Variants in ARPC3 observed in about 807,000 individuals in gnomAD.
The protein encoded by ARPC3 is actin-related protein 2/3 complex subunit 3.
ARPC3 carries 12 observed loss-of-function variants against 27.6 expected under a neutral mutation model. That is an observed-to-expected ratio of 0.43 (90% CI 0.28 to 0.70). The LOEUF (loss-of-function observed/expected upper bound fraction) is 0.70, where lower values mean the gene tolerates loss of function less well. Among genes scored for constraint, ARPC3 ranks in the 30% least tolerant of loss-of-function variants. The pLI, the probability that ARPC3 is intolerant of heterozygous loss-of-function variation, is 0.17. For synonymous variants in ARPC3, 53 were observed against 67.2 expected, an observed-to-expected ratio of 0.79 and a Z score of 1.03; for missense variants, 153 against 207.7, an observed-to-expected ratio of 0.74 and a Z score of 1.62.
intron 1 of ARPC3, 104 bp downstream of exon 1, chr12:110,450,151 C>T: frequency 1.3e-6 from 2 of 1,520,848 alleles, no homozygotes; most frequent in Non-Finnish European, 1.8e-6. Context: ...CGGGCCCCAG[C>T]TTCCTCTCTG....
intron 1 of ARPC3, among the ~76,000 whole-genome samples, chr12:110,448,793 TGG>T (rs1566298654): frequency 3.8e-5 from 1 of 26,420 alleles, no homozygotes; most frequent in Non-Finnish European, 7.9e-5. Context: ...GGGGGGGGGG[TGG>T]TGGTACAGAG....
intron 2 of ARPC3, among the ~76,000 whole-genome samples, chr12:110,442,143 C>T (rs1409501486): frequency 2.0e-5 from 3 of 151,728 alleles, no homozygotes; most frequent in Non-Finnish European, 4.4e-5. Context: ...GCTAGGATTA[C>T]AGGCATAAGC....
intron 3 of ARPC3, among the ~76,000 whole-genome samples, chr12:110,437,784 ACTGCTC>A (rs1161238110): frequency 3.9e-5 from 6 of 152,158 alleles, no homozygotes; most frequent in Non-Finnish European, 7.3e-5. Context: ...GAAAGCCTGA[ACTGCTC>A]CATATGGTTG....
intron 2 of ARPC3, among the ~76,000 whole-genome samples, chr12:110,444,626 G>A (rs2062454720): frequency 6.6e-6 from 1 of 152,134 alleles, no homozygotes; most frequent in African/African-American, 2.4e-5. Context: ...TTCCCAGGCT[G>A]TCTTCTTCCT....
intron 4 of ARPC3, 49 bp downstream of exon 4, chr12:110,437,035 C>G: frequency 8.0e-7 from 1 of 1,251,440 alleles, no homozygotes; most frequent in Non-Finnish European, 1.2e-6. Context: ...AGGGTAAATG[C>G]CTCTCAGCAA....
Position 110,435,129 on chromosome 12 carries a change from G to A in ARPC3, c.*26C>T, listed in dbSNP as rs2062395139. 6.2e-7 allele frequency: 1 copy of A among 1,600,868 alleles called. No homozygotes were observed. The highest frequency in any genetic ancestry group is 8.6e-7 in the Non-Finnish European group (1 of 1,168,454). Reference sequence around the variant, plus strand: ...GCTGGAAAATGCTGCCCAGGGCTCTGGAGACGGTGGCTGCCCGGGCTCCCT... The same window carrying A: ...GCTGGAAAATGCTGCCCAGGGCTCTAGAGACGGTGGCTGCCCGGGCTCCCT... On this transcript the variant is annotated 3_prime_UTR_variant, in exon 7 of 7. Transcript: ENST00000228825.
intron 2 of ARPC3, among the ~76,000 whole-genome samples, chr12:110,443,428 ATTT>A (rs1284736490): frequency 1.3e-5 from 2 of 148,616 alleles, no homozygotes; most frequent in East Asian, 4.0e-4. Flanking sequence ...GCCACGCCCT[ATTT>A]TTTATTTATT....
rs754642678 is a variant in ARPC3, at chr12:110,436,119, T to C, written c.465A>G (p.Lys155=). 1.2e-6 allele frequency: 2 copies of C among 1,612,500 alleles called. No individual in the cohort carries two copies. Among genetic ancestry groups the C allele is most frequent in the South Asian group, 2.2e-5 (2 of 91,054 alleles). ...CEKVFDPQND[K]PSKWWTCFVK... is the part of the protein sequence containing the mutation. ...AAGAAGAGGGTCTTACCTTGCTGGG[T>C]TTATCATTCTGAGGGTCGAAAACTT... The change falls in exon 6 of 7, where the codon AAA becomes AAG. Residue 155 remains lysine (K), a synonymous_variant. Coordinates refer to ENST00000228825, the MANE Select transcript of ARPC3 (RefSeq NM_001278556.2).
chr12:110,440,911 T>G (rs1476248277), intron 2 of ARPC3, among the ~76,000 whole-genome samples: 2 of 147,506 alleles, frequency 1.4e-5, no homozygotes, highest in African/African-American at 5.0e-5. Context: ...GGCGCGATCT[T>G]GGCTCACTGC....
At chr12:110,441,308 T>C (rs60016215) in intron 2 of ARPC3, among the ~76,000 whole-genome samples, 21,305 of 151,726 alleles carry the variant, frequency 0.14, 2,212 homozygotes, top group African/African-American at 0.29. Flanking sequence ...AATTTTTGTA[T>C]TTTTAGTAGA....
At chr12:110,442,963 T>C (rs1464476597) in intron 2 of ARPC3, 2 of 152,196 alleles carry the variant, frequency 1.3e-5, no homozygotes, top group African/African-American at 4.8e-5. Context: ...CAGTTACTTA[T>C]ACTTCTTGTC....
chr12:110,446,219 G>A (rs1399960122), intron 1 of ARPC3, among the ~76,000 whole-genome samples: 2 of 149,394 alleles, frequency 1.3e-5, no homozygotes, highest in Non-Finnish European at 3.0e-5. Flanking sequence ...AAACTCCTAA[G>A]CTCAAGTGTT....
chr12:110,443,268 G>C (rs1304476058), intron 2 of ARPC3, among the ~76,000 whole-genome samples: 1 of 151,752 alleles, frequency 6.6e-6, no homozygotes, highest in African/African-American at 2.4e-5. Context: ...ACAGGAGCCC[G>C]CCACCACGCT....
At chr12:110,441,366 C>T (rs899733981) in intron 2 of ARPC3, among the ~76,000 whole-genome samples, 2 of 151,842 alleles carry the variant, frequency 1.3e-5, no homozygotes, top group Non-Finnish European at 2.9e-5. Context: ...CTCCTGACCT[C>T]GTGATCTGCC....
intron 3 of ARPC3, among the ~76,000 whole-genome samples, chr12:110,438,428 T>C (rs2062417439): frequency 6.7e-6 from 1 of 149,792 alleles, no homozygotes. Flanking sequence ...TGAAACCCTG[T>C]CCCTACCAAA....
At chr12:110,443,107 T>C (rs994287740) in intron 2 of ARPC3, 1 of 152,266 alleles carries the variant, frequency 6.6e-6, no homozygotes, top group Admixed American at 6.6e-5. Context: ...TCTAGACTTG[T>C]GTTCCTTGCA....
chr12:110,436,709 TATACACACACACACACAC>T, intron 4 of ARPC3, 26 bp from the exon 5 acceptor site: 2 of 545,580 alleles, frequency 3.7e-6, no homozygotes, highest in Non-Finnish European at 6.0e-6. Flanking sequence ...TATATATATA[TATACACACACACACACAC>T]ACACACACAC....
intron 3 of ARPC3, among the ~76,000 whole-genome samples, chr12:110,439,901 C>T (rs1445842408): frequency 6.6e-6 from 1 of 152,172 alleles, no homozygotes; most frequent in Non-Finnish European, 1.5e-5. Context: ...AAAGATACTT[C>T]TAGCAAGGGG....
rs764902842 is a variant in ARPC3, at chr12:110,436,701, T to A, written c.253-18A>T. On this transcript the variant is annotated intron_variant, in intron 4 of 6. Coordinates refer to ENST00000228825, the MANE Select transcript of ARPC3 (RefSeq NM_001278556.2). ...GAATTGCACTGGAAAAAAAAATATA[T>A]ATATATATATACACACACACACACA... 0.041 allele frequency: 25,201 copies of A among 612,080 alleles called. 1,770 individuals carry two copies. Among genetic ancestry groups the A allele is most frequent in the African/African-American group, 0.088 (3,481 of 39,414 alleles). 37.9% of individuals were successfully genotyped at this position (612,080 alleles called of 1,614,324 possible).
Sources: gnomAD v4.1 joint callset for allele counts (sites outside exome capture counted in the v4.1 genomes callset) on GRCh38, gnomAD v4.1.1 for gene constraint, MANE v1.5 for transcripts, NCBI Gene and HGNC (gene_info 2026-07-23, HGNC 2026-07-21) for gene names.